Variants in UBTD2 observed in about 807,000 individuals in gnomAD.
The protein encoded by UBTD2 is ubiquitin domain containing 2.
A neutral mutation model predicts 19.8 loss-of-function variants in UBTD2; 9 were observed. The observed-to-expected ratio is 0.46, with a 90% CI of 0.27 to 0.79. UBTD2 has a LOEUF of 0.79. Ranked by LOEUF, UBTD2 falls within the 30% of genes least tolerant of loss-of-function variation. The pLI is 0.14. For missense variants in UBTD2, 250 were observed against 300.4 expected, an observed-to-expected ratio of 0.83 and a Z score of 1.24; for synonymous variants, 98 against 103.9, an observed-to-expected ratio of 0.94 and a Z score of 0.35.
chr5:172,241,441 A>T (rs1772125164), intron 1 of UBTD2, among the ~76,000 whole-genome samples: 2 of 150,822 alleles, frequency 1.3e-5, no homozygotes, highest in Admixed American at 1.3e-4. Flanking sequence ...AAAGATGCCC[A>T]CTATCTCCAC....
At chr5:172,241,413 T>TAAAA (rs1175413571) in intron 1 of UBTD2, among the ~76,000 whole-genome samples, 3 of 118,282 alleles carry the variant, frequency 2.5e-5, no homozygotes, top group Non-Finnish European at 5.4e-5. Context: ...CTGTCTCAAT[T>TAAAA]AAAAAAAAAA....
At chr5:172,272,427 G>T (rs1755508791) in intron 1 of UBTD2, among the ~76,000 whole-genome samples, 1 of 152,190 alleles carries the variant, frequency 6.6e-6, no homozygotes, top group South Asian at 2.1e-4. Flanking sequence ...AGGGATGAGG[G>T]GCATGGGGAG....
intron 1 of UBTD2, among the ~76,000 whole-genome samples, chr5:172,259,318 T>C (rs1755220678): frequency 1.3e-5 from 2 of 152,012 alleles, no homozygotes; most frequent in African/African-American, 4.8e-5. Context: ...AATTTTTGTA[T>C]TTTTGGTAGA....
chr5:172,232,413 T>C (rs1362844267), intron 2 of UBTD2, among the ~76,000 whole-genome samples: 2 of 151,062 alleles, frequency 1.3e-5, no homozygotes, highest in Non-Finnish European at 2.9e-5. Context: ...GAAAAAGTGA[T>C]CAGTGGGTGC....
In UBTD2 at chr5:172,283,756, G is replaced by C. The variant is rs972713953; in HGVS notation, c.-91C>G. ...CAGCCTCCTCCGGCGCCACCGCCGA[G>C]CTCCGGACAGGCGCGCCGCTCCGCT... On this transcript the variant is annotated 5_prime_UTR_variant, in exon 1 of 3. Coordinates refer to ENST00000393792, the MANE Select transcript of UBTD2 (RefSeq NM_152277.3). The surrounding 1 kb of genome is among the most constrained non-coding windows in gnomAD (Gnocchi z 4.3). The C allele has an allele frequency of 3.2e-6, 3 of 935,198 alleles. No individual in the cohort carries two copies. The African/African-American group carries it at 5.3e-5, about 17-fold the overall frequency. 57.9% of individuals were successfully genotyped at this position (935,198 alleles called of 1,614,324 possible).
chr5:172,242,328 T>A, intron 1 of UBTD2: 1 of 961,718 alleles, frequency 1.0e-6, no homozygotes, highest in Non-Finnish European at 1.2e-6. Flanking sequence ...TTAAAAAATT[T>A]ATATCATCTA....
chr5:172,276,129 G>A (rs921852608), intron 1 of UBTD2, among the ~76,000 whole-genome samples: 3 of 152,196 alleles, frequency 2.0e-5, no homozygotes, highest in Non-Finnish European at 4.4e-5. Context: ...CTCCCAAGGT[G>A]ATGCCGATAT....
upstream of UBTD2, chr5:172,284,095 C>G (rs1441238344): frequency 6.6e-6 from 1 of 150,812 alleles, no homozygotes; most frequent in Non-Finnish European, 1.5e-5. Context: ...ACGGCCTGGG[C>G]TCGGCCCGGC....
Position 172,210,561 on chromosome 5 carries a change from C to T in UBTD2, c.*1269G>A, listed in dbSNP as rs562519732. 6.6e-6 allele frequency: 1 copy of T among 152,260 alleles called. No homozygotes were observed. Among genetic ancestry groups the T allele is most frequent in the Non-Finnish European group, 1.5e-5 (1 of 68,022 alleles). 9.4% of individuals were successfully genotyped at this position (152,260 alleles called of 1,614,324 possible). A position where few individuals can be genotyped will look rare whatever the true frequency, so the allele number is the denominator to read the frequency against. ...TTATCTCCCTGGATTTTTCAGTCCC[C>T]TAATCTAACTTGCAAAAGGCTCTTA... On this transcript the variant is annotated 3_prime_UTR_variant, in exon 3 of 3. Transcript: ENST00000393792.
intron 1 of UBTD2, among the ~76,000 whole-genome samples, chr5:172,250,624 G>C (rs990262400): frequency 8.5e-5 from 13 of 152,074 alleles, no homozygotes; most frequent in Non-Finnish European, 2.9e-5. Flanking sequence ...ACTATTAATG[G>C]AGATAATAGT....
chr5:172,273,370 C>A (rs1320225835), intron 1 of UBTD2, among the ~76,000 whole-genome samples: 1 of 152,080 alleles, frequency 6.6e-6, no homozygotes, highest in Non-Finnish European at 1.5e-5. Flanking sequence ...GCGGGTGGAT[C>A]ACCTGAGGTT....
intron 1 of UBTD2, among the ~76,000 whole-genome samples, chr5:172,244,119 G>T (rs1327596898): frequency 6.6e-6 from 1 of 151,864 alleles, no homozygotes; most frequent in Non-Finnish European, 1.5e-5. Flanking sequence ...GCTGATTGGG[G>T]GCATTCTACA....
At chr5:172,277,702 T>C (rs1561869175) in intron 1 of UBTD2, among the ~76,000 whole-genome samples, 1 of 151,424 alleles carries the variant, frequency 6.6e-6, no homozygotes, top group Non-Finnish European at 1.5e-5. Flanking sequence ...CGAGACTCTA[T>C]TAAAAAACAA....
chr5:172,235,981 A>G (rs1772000588), intron 1 of UBTD2, among the ~76,000 whole-genome samples: 1 of 152,252 alleles, frequency 6.6e-6, no homozygotes, highest in South Asian at 2.1e-4. Context: ...AATCACTCTC[A>G]AACTGGTTCT....
intron 1 of UBTD2, among the ~76,000 whole-genome samples, chr5:172,241,477 T>C (rs979757308): frequency 6.6e-6 from 1 of 150,476 alleles, no homozygotes; most frequent in African/African-American, 2.4e-5. Context: ...GAAACAGTGT[T>C]AGATGCAGAA....
At chr5:172,230,005 TAAC>T (rs1480656990) in intron 2 of UBTD2, among the ~76,000 whole-genome samples, 1 of 152,170 alleles carries the variant, frequency 6.6e-6, no homozygotes, top group Non-Finnish European at 1.5e-5. Context: ...CAATGAGTAA[TAAC>T]ATGCTGTGCA....
Position 172,211,890 on chromosome 5 carries a change from G to A in UBTD2, c.645C>T (p.Asp215=), listed in dbSNP as rs750893693. The A allele has an allele frequency of 8.7e-6, 14 of 1,614,084 alleles. No homozygotes were observed. The highest frequency in any genetic ancestry group is 1.7e-5 in the Admixed American group (1 of 60,004). ...MKFEELKIPK[D]YVVQVIVSQP... Reference sequence around the variant, plus strand: ...GGCTCACTATAACCTGTACAACATAGTCCTTTGGGATCTTCAGCTCTTCGA... The same window carrying A: ...GGCTCACTATAACCTGTACAACATAATCCTTTGGGATCTTCAGCTCTTCGA... Residue 215 remains aspartate (D), a synonymous_variant, in exon 3 of 3, where the codon GAC becomes GAT. Coordinates refer to ENST00000393792, the MANE Select transcript of UBTD2 (RefSeq NM_152277.3).
At chr5:172,225,293 C>T (rs1771743520) in intron 2 of UBTD2, among the ~76,000 whole-genome samples, 1 of 152,148 alleles carries the variant, frequency 6.6e-6, no homozygotes, top group African/African-American at 2.4e-5. Flanking sequence ...TATCTTTTAT[C>T]TAGATGATTG....
intron 1 of UBTD2, among the ~76,000 whole-genome samples, chr5:172,261,510 G>T (rs1299624329): frequency 6.6e-6 from 1 of 152,304 alleles, no homozygotes; most frequent in South Asian, 2.1e-4. Context: ...AAGGTAATGA[G>T]AAAGAACATA....
Sources: gnomAD v4.1 joint callset for allele counts (sites outside exome capture counted in the v4.1 genomes callset) on GRCh38, gnomAD v4.1.1 for gene constraint, Gnocchi (gnomAD v3.1) non-coding constraint, MANE v1.5 for transcripts, NCBI Gene and HGNC (gene_info 2026-07-23, HGNC 2026-07-21) for gene names.